Variants in COL28A1 observed in about 807,000 individuals in gnomAD.
The protein encoded by COL28A1 is collagen type XXVIII alpha 1 chain.
Under a neutral mutation model 150.2 loss-of-function variants are expected in COL28A1, and 161 were observed. The observed-to-expected ratio is 1.07, with a 90% CI of 0.94 to 1.22. The LOEUF (loss-of-function observed/expected upper bound fraction) is 1.22. COL28A1 is among the 50% of genes most tolerant of loss of function. The pLI is 0.00. For missense variants in COL28A1, 1,617 were observed against 1,388.3 expected, an observed-to-expected ratio of 1.16 and a Z score of -2.62; for synonymous variants, 552 against 469.7, an observed-to-expected ratio of 1.18 and a Z score of -2.26.
intron 6 of COL28A1, among the ~76,000 whole-genome samples, chr7:7,518,894 A>G (rs1269123152): frequency 6.6e-6 from 1 of 152,162 alleles, no homozygotes; most frequent in Non-Finnish European, 1.5e-5. Context: ...ATGAAATTAA[A>G]TGTGCTTTTA....
chr7:7,479,645 G>C (rs1789231431), intron 13 of COL28A1, among the ~76,000 whole-genome samples: 1 of 152,148 alleles, frequency 6.6e-6, no homozygotes, highest in African/African-American at 2.4e-5. Context: ...ATCTTGATAG[G>C]ATCATTAAGG....
At chr7:7,405,185 T>C (rs1043704805) in intron 27 of COL28A1, among the ~76,000 whole-genome samples, 2 of 152,214 alleles carry the variant, frequency 1.3e-5, no homozygotes, top group African/African-American at 4.8e-5. Flanking sequence ...TGAACTAATT[T>C]CCTTTATATG....
chr7:7,425,188 C>T (rs1784590824), intron 25 of COL28A1, among the ~76,000 whole-genome samples: 1 of 152,094 alleles, frequency 6.6e-6, no homozygotes, highest in South Asian at 2.1e-4. Context: ...GATAAGGAAA[C>T]TGAGCTACAG....
chr7:7,439,451 C>T (rs1785593187), intron 21 of COL28A1, among the ~76,000 whole-genome samples: 1 of 152,104 alleles, frequency 6.6e-6, no homozygotes, highest in Non-Finnish European at 1.5e-5. Flanking sequence ...AAAATTATGT[C>T]TCTAGATTTA....
chr7:7,370,863 C>T lies in COL28A1; in HGVS notation c.2928G>A (p.Leu976=). 6.2e-7 allele frequency: 1 copy of T among 1,611,566 alleles called. No individual in the cohort carries two copies. Among genetic ancestry groups the T allele is most frequent in the Non-Finnish European group, 8.5e-7 (1 of 1,178,696 alleles). The change falls in exon 33 of 35, where the codon TTG becomes TTA. Residue 976 remains leucine, a synonymous_variant. Coordinates refer to ENST00000399429, the MANE Select transcript of COL28A1 (RefSeq NM_001037763.3). ...CAAAATCCTCACAAATTTTTTGAAA[C>T]AATTTTTGCTTCAGGGTGTCTTTTA... ...FTLQDTLKQK[L]FQKICEDFDS... is the part of the protein sequence containing the mutation.
At chr7:7,457,075 G>A (rs1031008607) in intron 15 of COL28A1, among the ~76,000 whole-genome samples, 6 of 152,166 alleles carry the variant, frequency 3.9e-5, no homozygotes, top group Non-Finnish European at 5.9e-5. Flanking sequence ...GAGGGAGAGC[G>A]GTAGACAATG....
In COL28A1 at chr7:7,360,528, A is replaced by G. The variant is rs771341438; in HGVS notation, c.3067T>C (p.Leu1023=). 5.6e-6 allele frequency: 9 copies of G among 1,594,596 alleles called. No individual in the cohort carries two copies. The highest frequency in any genetic ancestry group is 7.7e-6 in the Non-Finnish European group (9 of 1,174,802). The stretch of plus-strand genomic sequence containing the variant: ...TCATCCTGGTCTCTGGTGACACTCA[A>G]CTACACAAAAATATTCACATTTTGT... ...PEPQKEISES[L]SVTRDQDEDD... The change falls in exon 34 of 35, where the codon TTG becomes CTG. Residue 1023 remains leucine (L), a splice_region_variant and synonymous_variant. Transcript: ENST00000399429.
At chr7:7,382,890 C>T (rs1018220593) in intron 27 of COL28A1, among the ~76,000 whole-genome samples, 5 of 152,096 alleles carry the variant, frequency 3.3e-5, no homozygotes, top group Non-Finnish European at 5.9e-5. Flanking sequence ...ATGGGATTTA[C>T]GAGGCACTCC....
chr7:7,500,679 A>T (rs1444539519), intron 11 of COL28A1, among the ~76,000 whole-genome samples: 5 of 152,232 alleles, frequency 3.3e-5, no homozygotes, highest in Admixed American at 3.3e-4. Flanking sequence ...CACTTTGAAG[A>T]AAACAGGATG....
At chr7:7,367,461 G>C (rs1780994642) in intron 33 of COL28A1, among the ~76,000 whole-genome samples, 2 of 152,172 alleles carry the variant, frequency 1.3e-5, no homozygotes, top group African/African-American at 4.8e-5. Context: ...AGAAAGCCTA[G>C]AGACAAGAGG....
In COL28A1 at chr7:7,419,903, T is replaced by C. The variant is rs190423830; in HGVS notation, c.2049A>G (p.Val683=). 104 of 1,600,846 alleles carry C rather than the reference T, an allele frequency of 6.5e-5. No individual in the cohort carries two copies. In the African/African-American group the frequency reaches 1.3e-3, roughly 20 times the overall value. ...GACTCACCTTTGGCCCTTGGGTTCC[T>C]ACGCCCCGAGGCCCAGAAGGACCTG... ...GPPGPSGPRG[V]GTQGPKGDTG... The change falls in exon 26 of 35, where the codon GTA becomes GTG. Residue 683 remains valine, a synonymous_variant. Coordinates refer to ENST00000399429, the MANE Select transcript of COL28A1 (RefSeq NM_001037763.3).
intron 25 of COL28A1, among the ~76,000 whole-genome samples, chr7:7,427,623 G>C (rs1409230832): frequency 1.3e-5 from 2 of 152,156 alleles, no homozygotes; most frequent in African/African-American, 4.8e-5. Context: ...AACATTTTTA[G>C]AATAATGATA....
chr7:7,424,103 A>C (rs1784524967), intron 25 of COL28A1, among the ~76,000 whole-genome samples: 1 of 152,264 alleles, frequency 6.6e-6, no homozygotes, highest in African/African-American at 2.4e-5. Context: ...AATGACTTAT[A>C]GCAATGCTTT....
chr7:7,401,609 A>G (rs1783210288), intron 27 of COL28A1, among the ~76,000 whole-genome samples: 1 of 152,008 alleles, frequency 6.6e-6, no homozygotes, highest in African/African-American at 2.4e-5. Context: ...TGTCTATATT[A>G]TACCCCATAT....
chr7:7,529,161 C>T (rs1037929008), intron 3 of COL28A1, among the ~76,000 whole-genome samples: 3 of 151,724 alleles, frequency 2.0e-5, no homozygotes, highest in Non-Finnish European at 4.4e-5. Flanking sequence ...TGGTGGCAGG[C>T]GCCTGTAATG....
chr7:7,342,534 A>AG, the COL28A1 span, among the ~76,000 whole-genome samples: 1 of 151,854 alleles, frequency 6.6e-6, no homozygotes, highest in African/African-American at 2.4e-5. Context: ...TTTTTAGATT[A>AG]ATTACTTTTA....
chr7:7,374,782 G>A (rs570480699), intron 31 of COL28A1, among the ~76,000 whole-genome samples: 18 of 152,292 alleles, frequency 1.2e-4, no homozygotes, highest in African/African-American at 4.3e-4. Flanking sequence ...AGGCCCAGCA[G>A]TCTTTTAGGG....
At chr7:7,455,253 A>T (rs1787049803) in intron 16 of COL28A1, among the ~76,000 whole-genome samples, 1 of 152,222 alleles carries the variant, frequency 6.6e-6, no homozygotes, top group Non-Finnish European at 1.5e-5. Flanking sequence ...TTAGCATAAA[A>T]CTGAATTTGT....
At chr7:7,476,264 A>G (rs1788873871) in intron 14 of COL28A1, among the ~76,000 whole-genome samples, 1 of 152,216 alleles carries the variant, frequency 6.6e-6, no homozygotes, top group Non-Finnish European at 1.5e-5. Context: ...ATGTATCTTT[A>G]CGTACTCTGA....
Sources: gnomAD v4.1 joint callset for allele counts (sites outside exome capture counted in the v4.1 genomes callset) on GRCh38, gnomAD v4.1.1 for gene constraint, MANE v1.5 for transcripts, NCBI Gene and HGNC (gene_info 2026-07-23, HGNC 2026-07-21) for gene names.